GRM8: variants seen among roughly 807,000 people sequenced by gnomAD.
GRM8 encodes the protein glutamate metabotropic receptor 8.
A neutral mutation model predicts 87.2 loss-of-function variants in GRM8; 47 were observed. The observed-to-expected ratio is 0.54, with a 90% confidence interval of 0.43 to 0.69. GRM8 has a LOEUF of 0.69. Among genes scored for constraint, GRM8 ranks in the 30% least tolerant of loss-of-function variants. GRM8 has a pLI of 0.00. For missense variants in GRM8, 1,019 were observed against 1,139.2 expected, an observed-to-expected ratio of 0.89 and a Z score of 1.52; for synonymous variants, 396 against 404.5, an observed-to-expected ratio of 0.98 and a Z score of 0.25.
At chr7:126,526,060 AAT>A (rs1554381593) in intron 9 of GRM8, among the ~76,000 whole-genome samples, 1 of 151,962 alleles carries the variant, frequency 6.6e-6, no homozygotes, top group African/African-American at 2.4e-5. Context: ...CAACATAAAA[AAT>A]ATATATATAT....
chr7:126,546,025 G>A (rs938072107), intron 8 of GRM8, among the ~76,000 whole-genome samples: 11 of 152,210 alleles, frequency 7.2e-5, no homozygotes, highest in Non-Finnish European at 8.8e-5. Context: ...ACAGGAACAC[G>A]TGTCTTCAGA....
chr7:126,733,426 T>C (rs1351645816), intron 7 of GRM8, among the ~76,000 whole-genome samples: 2 of 150,484 alleles, frequency 1.3e-5, no homozygotes, highest in African/African-American at 4.9e-5. Context: ...TGTCTCTTTC[T>C]TCCTAATTAA....
intron 6 of GRM8, among the ~76,000 whole-genome samples, chr7:126,775,476 T>C (rs1215629379): frequency 8.0e-6 from 1 of 124,948 alleles, no homozygotes; most frequent in African/African-American, 3.1e-5. Flanking sequence ...AGCTGACAAA[T>C]AGGTTTTTTT....
At chr7:126,721,131 G>A (rs1163703076) in intron 7 of GRM8, among the ~76,000 whole-genome samples, 1 of 152,190 alleles carries the variant, frequency 6.6e-6, no homozygotes, top group Non-Finnish European at 1.5e-5. Context: ...TATCTGCAGT[G>A]ATTTTTCTTT....
In GRM8 at chr7:127,252,353, CT is replaced by C. The variant is rs1220678858; in HGVS notation, c.-312+443del. The C allele has an allele frequency of 6.6e-6, 1 of 152,234 alleles. No individual in the cohort carries two copies. The allele number at this position is 152,234 out of a possible 1,614,324, so 9.4% of individuals were successfully genotyped here. A position where few individuals can be genotyped will look rare whatever the true frequency, so the allele number is the denominator to read the frequency against. On this transcript the variant is annotated intron_variant, in intron 1 of 10. Transcript: ENST00000339582. This position sits in a 1 kb window ranked among gnomAD's most constrained non-coding sequence, Gnocchi z 4.9. The stretch of plus-strand genomic sequence containing the variant: ...CTTGGGAGTTCCGGGTAAAGTCTCC[CT>C]CTTTTCTGAACCTCTTTACTGTAAT...
chr7:126,521,191 G>A (rs188396162), intron 9 of GRM8, among the ~76,000 whole-genome samples: 18 of 152,190 alleles, frequency 1.2e-4, no homozygotes, highest in Admixed American at 1.2e-3. Flanking sequence ...AAGTACATAC[G>A]TGTGTGTAAT....
chr7:126,932,750 A>C lies in GRM8; in HGVS notation c.728-28067T>G, dbSNP rs1805896565. Among the ~76,000 whole-genome samples, 2 of 152,210 alleles carry C rather than the reference A, an allele frequency of 1.3e-5. 1 individual carries two copies. The highest frequency in any genetic ancestry group is 4.1e-4 in the South Asian group (2 of 4,828). On this transcript the variant is annotated intron_variant, in intron 3 of 10. Coordinates refer to ENST00000339582, the MANE Select transcript of GRM8 (RefSeq NM_000845.3). ...TTAGGATATGTGAAAAAAGAATAAT[A>C]GTCCCTTATAGCCAGGCAGGGGTGA... is the stretch of plus-strand genomic sequence containing the variant.
chr7:127,181,486 G>T (rs1375147178), intron 2 of GRM8, among the ~76,000 whole-genome samples: 1 of 151,842 alleles, frequency 6.6e-6, no homozygotes, highest in African/African-American at 2.4e-5. Flanking sequence ...CACAGAATTA[G>T]AAAAACATTC....
chr7:126,475,228 A>T (rs1290655212), intron 9 of GRM8, among the ~76,000 whole-genome samples: 1 of 152,188 alleles, frequency 6.6e-6, no homozygotes, highest in Non-Finnish European at 1.5e-5. Flanking sequence ...TACATACAGG[A>T]AAATCTAAAA....
At chr7:126,791,594 A>G (rs1461648786) in intron 6 of GRM8, among the ~76,000 whole-genome samples, 4 of 152,204 alleles carry the variant, frequency 2.6e-5, no homozygotes, top group African/African-American at 9.7e-5. Flanking sequence ...CTGACTTGTA[A>G]TGTCTATTGC....
chr7:126,739,821 G>A (rs1440507071), intron 7 of GRM8, among the ~76,000 whole-genome samples: 1 of 151,960 alleles, frequency 6.6e-6, no homozygotes, highest in Non-Finnish European at 1.5e-5. Context: ...GTTTAGATAG[G>A]TTTGGATACA....
At chr7:127,201,260 T>C (rs973360680) in intron 2 of GRM8, among the ~76,000 whole-genome samples, 4 of 152,318 alleles carry the variant, frequency 2.6e-5, no homozygotes, top group East Asian at 1.9e-4. Flanking sequence ...ATTTGATCTA[T>C]ATAAAAAACT....
intron 2 of GRM8, among the ~76,000 whole-genome samples, chr7:127,230,338 T>C (rs956083919): frequency 6.6e-6 from 1 of 152,104 alleles, no homozygotes; most frequent in African/African-American, 2.4e-5. Flanking sequence ...AGCAGAGAGA[T>C]GCTGTGAGAG....
At chr7:126,905,142 A>G (rs1802549274) in intron 3 of GRM8, among the ~76,000 whole-genome samples, 1 of 152,222 alleles carries the variant, frequency 6.6e-6, no homozygotes, top group African/African-American at 2.4e-5. Flanking sequence ...TTCATTGTAT[A>G]GCTAATAGAA....
chr7:126,982,838 G>T (rs140641022), intron 3 of GRM8, among the ~76,000 whole-genome samples: 1 of 152,108 alleles, frequency 6.6e-6, no homozygotes, highest in East Asian at 1.9e-4. Flanking sequence ...TTTTTTCCTG[G>T]AGTGACCCAA....
intron 9 of GRM8, among the ~76,000 whole-genome samples, chr7:126,531,014 A>G (rs1158442188): frequency 6.6e-6 from 1 of 152,112 alleles, no homozygotes; most frequent in Non-Finnish European, 1.5e-5. Context: ...GGGTCTTGTT[A>G]TGTTTCCCAG....
chr7:127,177,629 C>T (rs967995145), intron 2 of GRM8, among the ~76,000 whole-genome samples: 1 of 152,204 alleles, frequency 6.6e-6, no homozygotes, highest in South Asian at 2.1e-4. Context: ...TGAACAAGCA[C>T]TGGTATCCAT....
chr7:127,001,075 T>G (rs2132031334), intron 3 of GRM8, among the ~76,000 whole-genome samples: 1 of 151,760 alleles, frequency 6.6e-6, no homozygotes, highest in Non-Finnish European at 1.5e-5. Flanking sequence ...TAACCGTAGA[T>G]GTATTGATCA....
intron 2 of GRM8, among the ~76,000 whole-genome samples, chr7:127,204,007 T>C (rs1054755189): frequency 4.6e-5 from 7 of 152,220 alleles, no homozygotes; most frequent in East Asian, 3.8e-4. Context: ...TAAAATATGC[T>C]AAATTTAAGA....
Sources: allele counts gnomAD v4.1 joint callset (sites outside exome capture counted in the v4.1 genomes callset), GRCh38; gene constraint gnomAD v4.1.1; non-coding constraint Gnocchi (gnomAD v3.1); transcripts MANE v1.5; gene names NCBI Gene and HGNC (gene_info 2026-07-23, HGNC 2026-07-21).